FTO: variants seen among roughly 807,000 people sequenced by gnomAD.
FTO encodes alpha-ketoglutarate-dependent dioxygenase FTO.
Under a neutral mutation model 63.9 loss-of-function variants are expected in FTO, and 47 were observed. The observed-to-expected ratio is 0.74, with a 90% CI of 0.58 to 0.94. FTO has a LOEUF of 0.94. FTO is among the 40% of genes least tolerant of loss of function. The pLI, the probability that FTO is intolerant of heterozygous loss-of-function variation, is 0.00. For synonymous variants in FTO, 207 were observed against 224.4 expected, an observed-to-expected ratio of 0.92 and a Z score of 0.69; for missense variants, 562 against 618.1, an observed-to-expected ratio of 0.91 and a Z score of 0.96.
At chr16:53,879,022 T>C (rs900351884) in intron 5 of FTO, among the ~76,000 whole-genome samples, 4 of 152,208 alleles carry the variant, frequency 2.6e-5, no homozygotes, top group Non-Finnish European at 5.9e-5. Context: ...CCGCTGTCAT[T>C]ATAGAACCAT....
chr16:53,822,654 T>TTATAATAA (rs754264984), intron 2 of FTO, among the ~76,000 whole-genome samples: 9 of 152,158 alleles, frequency 5.9e-5, no homozygotes, highest in Non-Finnish European at 1.3e-4. Flanking sequence ...CGTGTCTGTT[T>TTATAATAA]TATAATAATA....
chr16:53,895,893 G>A (rs922356406), intron 7 of FTO, among the ~76,000 whole-genome samples: 2 of 152,188 alleles, frequency 1.3e-5, no homozygotes, highest in Non-Finnish European at 2.9e-5. Context: ...AACTCTTAGT[G>A]TGTGGAGAGA....
At chr16:53,864,569 G>A (rs1038907903) in intron 4 of FTO, among the ~76,000 whole-genome samples, 13 of 152,284 alleles carry the variant, frequency 8.5e-5, no homozygotes, top group Admixed American at 2.6e-4. Flanking sequence ...AGGGCACGCA[G>A]CATTCAGCCA....
intron 1 of FTO, among the ~76,000 whole-genome samples, chr16:53,720,417 C>G (rs2151486716): frequency 6.6e-6 from 1 of 151,680 alleles, no homozygotes; most frequent in South Asian, 2.1e-4. Context: ...CCACTTCTCC[C>G]CCTCCCCACC....
intron 1 of FTO, among the ~76,000 whole-genome samples, chr16:53,753,329 A>G (rs2076844283): frequency 6.6e-6 from 1 of 151,800 alleles, no homozygotes; most frequent in Non-Finnish European, 1.5e-5. Flanking sequence ...GTGGGCATTT[A>G]TTTGATCCAG....
At chr16:53,706,669 G>T (rs898649854) in intron 1 of FTO, among the ~76,000 whole-genome samples, 1 of 152,176 alleles carries the variant, frequency 6.6e-6, no homozygotes, top group Non-Finnish European at 1.5e-5. Context: ...AAAGTACTGG[G>T]ATTATAGGCG....
Position 53,957,548 on chromosome 16 carries a change from A to G in FTO, c.1364+23439A>G, listed in dbSNP as rs930549817. On this transcript the variant is annotated intron_variant, in intron 8 of 8. Coordinates refer to ENST00000471389, the MANE Select transcript of FTO (RefSeq NM_001080432.3). ...ACTGCTGGCATTGTATTTGAATATT[A>G]TTATGCCCTATGTGATAGTGATAGT... Among the ~76,000 whole-genome samples, 16 of 152,210 alleles carry G rather than the reference A, an allele frequency of 1.1e-4. 1 individual carries two copies. The highest frequency in any genetic ancestry group is 2.2e-4 in the Non-Finnish European group (15 of 68,030).
rs555378879 is a variant in FTO at position 54,067,454 on chromosome 16, T to C, written c.1365-44308T>C. ...TAAACTAATAAACCTGCTAAATCTT[T>C]ATTGCAAAGGTTAGTTTACGCAGTG... On this transcript the variant is annotated intron_variant, in intron 8 of 8. Coordinates refer to ENST00000471389, the MANE Select transcript of FTO (RefSeq NM_001080432.3). Among the ~76,000 whole-genome samples, 48 of 152,352 alleles carry C rather than the reference T, an allele frequency of 3.2e-4. No homozygotes were observed. The Middle Eastern group carries it at 0.014, about 43-fold the overall frequency.
At chr16:53,895,342 C>A (rs980297831) in intron 7 of FTO, among the ~76,000 whole-genome samples, 1 of 151,996 alleles carries the variant, frequency 6.6e-6, no homozygotes, top group Non-Finnish European at 1.5e-5. Flanking sequence ...TATACAATTC[C>A]AAGAGAATTC....
In FTO at chr16:54,061,267, T is replaced by A. The variant is rs1295308718; in HGVS notation, c.1365-50495T>A. The stretch of plus-strand genomic sequence containing the variant: ...AGTCATTTTTCCCCACTGCCCTGGT[T>A]CTGCAGCCTTGTCCCTTGAGGGCTC... On this transcript the variant is annotated intron_variant, in intron 8 of 8. Coordinates refer to ENST00000471389, the MANE Select transcript of FTO (RefSeq NM_001080432.3). 3.3e-5 allele frequency among the ~76,000 whole-genome samples: 5 copies of A among 152,180 alleles called. No individual in the cohort carries two copies. The East Asian group carries it at 9.6e-4, about 29-fold the overall frequency.
chr16:53,869,359 T>C lies in FTO; in HGVS notation c.896-4427T>C, dbSNP rs115534527. On this transcript the variant is annotated intron_variant, in intron 4 of 8. Transcript: ENST00000471389. ...TTGACTTTCTGCAGTTTGAATATAA[T>C]ATGCCTAAGTGTAGGTTTTTTTCCT... 7.2e-3 allele frequency among the ~76,000 whole-genome samples: 1,093 copies of C among 152,252 alleles called. 13 individuals carry two copies. The highest frequency in any genetic ancestry group is 0.025 in the African/African-American group (1,038 of 41,558).
intron 2 of FTO, among the ~76,000 whole-genome samples, chr16:53,822,839 G>T (rs565727285): frequency 6.6e-6 from 1 of 152,080 alleles, no homozygotes; most frequent in East Asian, 1.9e-4. Flanking sequence ...CCTGACTTGG[G>T]GGCTACTGCT....
chr16:53,837,232 A>AC (rs2079323668), intron 3 of FTO, among the ~76,000 whole-genome samples: 1 of 152,186 alleles, frequency 6.6e-6, no homozygotes, highest in South Asian at 2.1e-4. Flanking sequence ...TCCGTGAAAC[A>AC]TGATGTAATG....
chr16:53,739,397 G>A (rs989904432), intron 1 of FTO, among the ~76,000 whole-genome samples: 1 of 145,582 alleles, frequency 6.9e-6, no homozygotes, highest in Non-Finnish European at 1.5e-5. Context: ...TCTATTTTTA[G>A]TAGAGATGGG....
chr16:53,966,391 T>G (rs1205789103), intron 8 of FTO, among the ~76,000 whole-genome samples: 1 of 152,222 alleles, frequency 6.6e-6, no homozygotes, highest in East Asian at 1.9e-4. Context: ...CAGGCAGCAG[T>G]GTTCCCATTG....
chr16:54,092,223 C>T (rs753847233), intron 8 of FTO, among the ~76,000 whole-genome samples: 27 of 152,214 alleles, frequency 1.8e-4, no homozygotes, highest in South Asian at 6.2e-4. Context: ...GTCAAGTCTG[C>T]AGTGCACCAT....
At chr16:54,057,096 A>G (rs1300736340) in intron 8 of FTO, among the ~76,000 whole-genome samples, 1 of 152,230 alleles carries the variant, frequency 6.6e-6, no homozygotes, top group East Asian at 1.9e-4. Context: ...AGCAGCAGGC[A>G]TACAAAGGAG....
intron 8 of FTO, among the ~76,000 whole-genome samples, chr16:54,074,915 AGAGTGT>A (rs1391363604): frequency 5.3e-4 from 67 of 127,348 alleles, no homozygotes; most frequent in African/African-American, 1.7e-3. Context: ...AGAGAGAGAG[AGAGTGT>A]GTGTGTGTGT....
At chr16:53,962,338 T>C (rs555414781) in intron 8 of FTO, among the ~76,000 whole-genome samples, 31 of 152,206 alleles carry the variant, frequency 2.0e-4, no homozygotes, top group Non-Finnish European at 3.5e-4. Flanking sequence ...ACCCCAATCA[T>C]AACGTTACTT....
Sources: gnomAD v4.1 joint callset for allele counts (sites outside exome capture counted in the v4.1 genomes callset) on GRCh38, gnomAD v4.1.1 for gene constraint, MANE v1.5 for transcripts, NCBI Gene and HGNC (gene_info 2026-07-23, HGNC 2026-07-21) for gene names.